Variants in HSD17B2 observed in about 807,000 individuals in gnomAD.
The protein encoded by HSD17B2 is 17-beta-hydroxysteroid dehydrogenase type 2.
HSD17B2 carries 32 observed loss-of-function variants against 26.9 expected under a neutral mutation model. The ratio of observed to expected loss-of-function variants is 1.19; its 90% confidence interval spans 0.90 to 1.60. HSD17B2 has a LOEUF of 1.60. Among genes scored for constraint, HSD17B2 ranks in the 40% most tolerant of loss-of-function variants. The pLI is 0.00. For missense variants in HSD17B2, 613 were observed against 468.6 expected, an observed-to-expected ratio of 1.31 and a Z score of -2.85; for synonymous variants, 246 against 186.7, an observed-to-expected ratio of 1.32 and a Z score of -2.59.
intron 1 of HSD17B2, among the ~76,000 whole-genome samples, chr16:82,063,857 G>C (rs74029370): frequency 0.023 from 3,543 of 152,176 alleles, 129 homozygotes; most frequent in African/African-American, 0.079. Flanking sequence ...TTAGGTTAAC[G>C]AACACTTTGT....
At chr16:82,055,456 G>A (rs2143948309) in intron 1 of HSD17B2, among the ~76,000 whole-genome samples, 1 of 152,342 alleles carries the variant, frequency 6.6e-6, no homozygotes, top group African/African-American at 2.4e-5. Flanking sequence ...GTGTCCCCAT[G>A]ATGTAGAAGA....
intron 1 of HSD17B2, among the ~76,000 whole-genome samples, chr16:82,055,030 G>A (rs1914223804): frequency 6.6e-6 from 1 of 152,164 alleles, no homozygotes; most frequent in Non-Finnish European, 1.5e-5. Flanking sequence ...CAGCTCTCTG[G>A]CCTCACCAGA....
intron 3 of HSD17B2, among the ~76,000 whole-genome samples, chr16:82,073,339 C>T (rs973069957): frequency 1.8e-4 from 27 of 152,022 alleles, no homozygotes; most frequent in African/African-American, 5.8e-4. Context: ...ATTCTCCTGC[C>T]TCAGCCTCCC....
rs8191221 is a variant in HSD17B2, at chr16:82,090,766, AG to A, written c.665-131del. The A allele has an allele frequency of 1.8e-3, 1,418 of 767,436 alleles. 20 individuals are homozygous for A. The African/African-American group carries it at 0.022, about 12-fold the overall frequency. The allele number at this position is 767,436 out of a possible 1,614,324, so 47.5% of individuals were successfully genotyped here. On this transcript the variant is annotated intron_variant, in intron 3 of 4. Coordinates refer to ENST00000199936, the MANE Select transcript of HSD17B2 (RefSeq NM_002153.3). ...GCAAGAACATTGCTCACCTGGGCTCAGGGGGCCTTGCCTGCCTTTGTCTGCC... is the reference window on the plus strand; with the variant it reads ...GCAAGAACATTGCTCACCTGGGCTCAGGGGCCTTGCCTGCCTTTGTCTGCC...
At chr16:82,043,248 G>A (rs1913816089) in intron 1 of HSD17B2, among the ~76,000 whole-genome samples, 1 of 152,196 alleles carries the variant, frequency 6.6e-6, no homozygotes, top group Non-Finnish European at 1.5e-5. Flanking sequence ...GCAATGTGGG[G>A]ACTGGGGCTC....
chr16:82,088,369 A>T (rs891475031), intron 3 of HSD17B2, among the ~76,000 whole-genome samples: 2 of 151,816 alleles, frequency 1.3e-5, no homozygotes, highest in Non-Finnish European at 2.9e-5. Context: ...TTATTAATTT[A>T]ACTTTCGCAA....
chr16:82,084,006 T>A (rs1256359583), intron 3 of HSD17B2, among the ~76,000 whole-genome samples: 1 of 152,294 alleles, frequency 6.6e-6, no homozygotes, highest in African/African-American at 2.4e-5. Context: ...TTCAGAAATG[T>A]TCGCATAAAC....
In HSD17B2 at chr16:82,058,120, G is replaced by A. The variant is rs1271863263; in HGVS notation, c.266-10050G>A. 2.0e-5 allele frequency among the ~76,000 whole-genome samples: 3 copies of A among 148,274 alleles called. No homozygotes were observed. In the East Asian group the frequency reaches 5.9e-4, roughly 29 times the overall value. Reference sequence around the variant, plus strand: ...AGGGTTTTGCTCTGTCGCCTAGGCTGGAGTGCAGCAGTATGAGCATGCTCA... The same window carrying A: ...AGGGTTTTGCTCTGTCGCCTAGGCTAGAGTGCAGCAGTATGAGCATGCTCA... On this transcript the variant is annotated intron_variant, in intron 1 of 4. Transcript: ENST00000199936.
intron 1 of HSD17B2, among the ~76,000 whole-genome samples, chr16:82,046,962 C>T (rs1913949597): frequency 6.6e-6 from 1 of 152,164 alleles, no homozygotes; most frequent in African/African-American, 2.4e-5. Context: ...AGTGTGCTCC[C>T]CTTGAGGGAA....
At chr16:82,061,691 A>C (rs1382585157) in intron 1 of HSD17B2, among the ~76,000 whole-genome samples, 1 of 152,242 alleles carries the variant, frequency 6.6e-6, no homozygotes, top group Non-Finnish European at 1.5e-5. Flanking sequence ...TGTAGGAAAA[A>C]AGACTAGAAG....
chr16:82,082,905 C>T (rs1281939428), intron 3 of HSD17B2, among the ~76,000 whole-genome samples: 3 of 152,192 alleles, frequency 2.0e-5, no homozygotes, highest in Admixed American at 2.0e-4. Flanking sequence ...AGTGACTGGC[C>T]TGTAAGCTAG....
chr16:82,095,854 G>A (rs1218221131), intron 4 of HSD17B2: 1 of 152,042 alleles, frequency 6.6e-6, no homozygotes, highest in East Asian at 1.9e-4. Flanking sequence ...TTATTTCCTG[G>A]TAAAAAAAAT....
At chr16:82,047,927 G>A (rs766125702) in intron 1 of HSD17B2, among the ~76,000 whole-genome samples, 33 of 152,178 alleles carry the variant, frequency 2.2e-4, no homozygotes, top group Admixed American at 7.2e-4. Context: ...AGGGTCTGAG[G>A]GTGATTTTTA....
intron 1 of HSD17B2, among the ~76,000 whole-genome samples, chr16:82,059,413 T>G (rs1914367843): frequency 6.6e-6 from 1 of 152,234 alleles, no homozygotes; most frequent in South Asian, 2.1e-4. Flanking sequence ...TTGGTGGCTC[T>G]CAATCCTGGC....
intron 4 of HSD17B2, 131 bp downstream of exon 4, chr16:82,091,170 G>A (rs753861017): frequency 3.2e-6 from 3 of 949,626 alleles, no homozygotes; most frequent in South Asian, 1.3e-5. Flanking sequence ...ATCAGTTAAA[G>A]GGGTGAAAAC....
intron 2 of HSD17B2, 139 bp downstream of exon 2, chr16:82,068,521 T>C (rs1335984066): frequency 6.0e-6 from 4 of 668,826 alleles, no homozygotes; most frequent in East Asian, 2.7e-5. Context: ...ACCCCTACCA[T>C]GTGTGGGGGC....
intron 1 of HSD17B2, among the ~76,000 whole-genome samples, chr16:82,057,402 T>C (rs551179199): frequency 2.0e-5 from 3 of 152,280 alleles, no homozygotes; most frequent in African/African-American, 4.8e-5. Flanking sequence ...TTTCACCATG[T>C]TGGCCAGGAT....
At chr16:82,078,465 G>A (rs1196560040) in intron 3 of HSD17B2, among the ~76,000 whole-genome samples, 1 of 152,088 alleles carries the variant, frequency 6.6e-6, no homozygotes. Flanking sequence ...TTGCTATGGA[G>A]AATAGCTCTA....
At chr16:82,062,384 G>C (rs1173165984) in intron 1 of HSD17B2, among the ~76,000 whole-genome samples, 1 of 152,188 alleles carries the variant, frequency 6.6e-6, no homozygotes, top group Non-Finnish European at 1.5e-5. Flanking sequence ...GGTGCCCTCA[G>C]CACTAGTGAC....
Sources: gnomAD v4.1 joint callset for allele counts (sites outside exome capture counted in the v4.1 genomes callset) on GRCh38, gnomAD v4.1.1 for gene constraint, MANE v1.5 for transcripts, NCBI Gene and HGNC (gene_info 2026-07-23, HGNC 2026-07-21) for gene names.